Variants in GPC6 observed in about 807,000 individuals in gnomAD.
GPC6 encodes glypican 6, also known as glypican-6.
A neutral mutation model predicts 55.2 loss-of-function variants in GPC6; 14 were observed. The ratio of observed to expected loss-of-function variants is 0.25; its 90% CI spans 0.17 to 0.40. GPC6 has a LOEUF of 0.40. GPC6 is among the 10% of genes least tolerant of loss of function. The pLI is 1.00. For missense variants in GPC6, 641 were observed against 708.5 expected, an observed-to-expected ratio of 0.90 and a Z score of 1.08; for synonymous variants, 278 against 259.6, an observed-to-expected ratio of 1.07 and a Z score of -0.68.
At chr13:94,286,568 G>T (rs1200306493) in intron 5 of GPC6, 89 bp downstream of exon 5, 5 of 1,186,086 alleles carry the variant, frequency 4.2e-6, no homozygotes, top group East Asian at 2.4e-5. Context: ...TGTCGGCTGG[G>T]CTTATAAATT....
In GPC6 at chr13:94,393,791, T is replaced by G. The variant is rs1880775828; in HGVS notation, c.1290-4675T>G. 2.0e-5 allele frequency among the ~76,000 whole-genome samples: 3 copies of G among 152,160 alleles called. No homozygotes were observed. In the East Asian group the frequency reaches 5.8e-4, roughly 29 times the overall value. On this transcript the variant is annotated intron_variant, in intron 7 of 8. Coordinates refer to ENST00000377047, the MANE Select transcript of GPC6 (RefSeq NM_005708.5). ...AAATTTCATTAAATCTTGAGAGTCA[T>G]GTGACCTACTCCCCCAATATGCAGT...
At chr13:93,637,856 A>C (rs1237518665) in intron 2 of GPC6, among the ~76,000 whole-genome samples, 2 of 152,150 alleles carry the variant, frequency 1.3e-5, no homozygotes, top group Admixed American at 1.3e-4. Flanking sequence ...AAGAAATAGA[A>C]TAATATTCAG....
chr13:93,546,863 A>T (rs1278664266), intron 2 of GPC6, among the ~76,000 whole-genome samples: 1 of 152,180 alleles, frequency 6.6e-6, no homozygotes, highest in Non-Finnish European at 1.5e-5. Context: ...ACAAACAAAG[A>T]AAGAAACAAG....
intron 7 of GPC6, among the ~76,000 whole-genome samples, chr13:94,394,745 T>A (rs574497495): frequency 2.6e-5 from 4 of 152,306 alleles, no homozygotes; most frequent in Non-Finnish European, 5.9e-5. Context: ...GTCTCCAAAG[T>A]CATCTTTTGA....
intron 5 of GPC6, among the ~76,000 whole-genome samples, chr13:94,301,419 T>A (rs1875644632): frequency 6.6e-6 from 1 of 152,032 alleles, no homozygotes; most frequent in South Asian, 2.1e-4. Flanking sequence ...AAAAGATTTT[T>A]AAAAGGTTAA....
intron 2 of GPC6, among the ~76,000 whole-genome samples, chr13:93,733,925 T>C (rs1230287966): frequency 1.3e-5 from 2 of 152,330 alleles, no homozygotes; most frequent in East Asian, 1.9e-4. Flanking sequence ...TTGATTTTGA[T>C]AGTTAATATA....
intron 1 of GPC6, among the ~76,000 whole-genome samples, chr13:93,488,160 C>T (rs1879802946): frequency 6.6e-6 from 1 of 152,082 alleles, no homozygotes; most frequent in African/African-American, 2.4e-5. Flanking sequence ...TGATGTTCCC[C>T]TTCCTGTGTC....
intron 1 of GPC6, among the ~76,000 whole-genome samples, chr13:93,393,591 A>G (rs1008948467): frequency 2.0e-5 from 3 of 152,088 alleles, no homozygotes; most frequent in African/African-American, 7.2e-5. Context: ...TATGTTGCAT[A>G]TGTTAGAAAG....
chr13:93,561,253 T>A (rs1300982621), intron 2 of GPC6, among the ~76,000 whole-genome samples: 2 of 151,930 alleles, frequency 1.3e-5, no homozygotes, highest in Non-Finnish European at 2.9e-5. Flanking sequence ...ATTTAAAGAC[T>A]AATTAATTTC....
At chr13:94,207,911 G>A (rs1889953786) in intron 4 of GPC6, among the ~76,000 whole-genome samples, 2 of 152,066 alleles carry the variant, frequency 1.3e-5, no homozygotes, top group South Asian at 4.1e-4. Context: ...CATTATTTTT[G>A]CACCAACTTC....
chr13:93,805,266 TATA>T (rs1886509499), intron 2 of GPC6, among the ~76,000 whole-genome samples: 3 of 152,296 alleles, frequency 2.0e-5, no homozygotes, highest in Admixed American at 2.0e-4. Context: ...TAGTTATCAA[TATA>T]ATAACATATT....
chr13:94,048,614 A>G (rs1883817884), intron 4 of GPC6, among the ~76,000 whole-genome samples: 2 of 151,972 alleles, frequency 1.3e-5, no homozygotes, highest in South Asian at 4.2e-4. Context: ...GGGTTCAGAA[A>G]AAAAAAACGA....
intron 4 of GPC6, among the ~76,000 whole-genome samples, chr13:94,104,233 A>AT (rs1289802539): frequency 2.0e-5 from 3 of 152,102 alleles, no homozygotes; most frequent in South Asian, 4.1e-4. Context: ...GTTCTGTTCC[A>AT]TTGGTCTATA....
intron 4 of GPC6, among the ~76,000 whole-genome samples, chr13:94,172,392 A>G (rs915693693): frequency 9.8e-5 from 15 of 152,362 alleles, no homozygotes; most frequent in South Asian, 2.1e-4. Context: ...TCTGTAAAAT[A>G]TAATTAATAG....
chr13:94,064,303 T>C (rs557633000), intron 4 of GPC6, among the ~76,000 whole-genome samples: 3 of 152,204 alleles, frequency 2.0e-5, no homozygotes, highest in Non-Finnish European at 4.4e-5. Context: ...TAATAAAAAT[T>C]ATGAGCTTTT....
At chr13:93,812,472 G>A (rs1428808713) in intron 2 of GPC6, among the ~76,000 whole-genome samples, 1 of 151,916 alleles carries the variant, frequency 6.6e-6, no homozygotes, top group African/African-American at 2.4e-5. Flanking sequence ...ATTGAGTGAA[G>A]GATATACAGG....
At chr13:93,324,981 A>G (rs1879604885) in intron 1 of GPC6, among the ~76,000 whole-genome samples, 1 of 152,096 alleles carries the variant, frequency 6.6e-6, no homozygotes. Context: ...CTACCCCTCT[A>G]ATGTATTTGC....
At chr13:94,176,130 A>G (rs1888759497) in intron 4 of GPC6, among the ~76,000 whole-genome samples, 1 of 152,032 alleles carries the variant, frequency 6.6e-6, no homozygotes, top group South Asian at 2.1e-4. Flanking sequence ...CTCCCAGTTA[A>G]TATTTCATTC....
At chr13:94,213,907 A>G (rs1007525965) in intron 4 of GPC6, among the ~76,000 whole-genome samples, 4 of 152,216 alleles carry the variant, frequency 2.6e-5, no homozygotes, top group African/African-American at 9.6e-5. Flanking sequence ...GACAGAATAA[A>G]TACTACCAAC....
Sources: gnomAD v4.1 joint callset for allele counts (sites outside exome capture counted in the v4.1 genomes callset) on GRCh38, gnomAD v4.1.1 for gene constraint, MANE v1.5 for transcripts, NCBI Gene and HGNC (gene_info 2026-07-23, HGNC 2026-07-21) for gene names.